The following LRRTM4 variants were observed in gnomAD, a reference collection of about 807,000 sequenced individuals.
LRRTM4 encodes the protein leucine rich repeat transmembrane neuronal 4.
Under a neutral mutation model 47.6 loss-of-function variants are expected in LRRTM4, and 25 were observed. The observed-to-expected ratio is 0.53, with a 90% CI of 0.38 to 0.73. LRRTM4 has a LOEUF of 0.73. LRRTM4 is among the 30% of genes least tolerant of loss of function. The pLI is 0.00. For missense variants in LRRTM4, 638 were observed against 713.4 expected, an observed-to-expected ratio of 0.89 and a Z score of 1.20; for synonymous variants, 311 against 269.5, an observed-to-expected ratio of 1.15 and a Z score of -1.51.
At chr2:76,988,771 T>C (rs1449345777) in intron 3 of LRRTM4, among the ~76,000 whole-genome samples, 2 of 142,516 alleles carry the variant, frequency 1.4e-5, no homozygotes, top group African/African-American at 2.5e-5. Context: ...CACCCCATTC[T>C]TTCTTCCCCA....
At chr2:76,829,746 A>G (rs1671280897) in intron 3 of LRRTM4, among the ~76,000 whole-genome samples, 1 of 152,020 alleles carries the variant, frequency 6.6e-6, no homozygotes, top group Non-Finnish European at 1.5e-5. Context: ...TTCAGAATGT[A>G]CAAGCAATGT....
intron 3 of LRRTM4, among the ~76,000 whole-genome samples, chr2:77,383,712 A>G (rs1351815844): frequency 1.3e-5 from 2 of 152,112 alleles, no homozygotes; most frequent in Non-Finnish European, 2.9e-5. Context: ...AGACCCAGAG[A>G]TAATTCATCG....
At chr2:76,934,613 C>T (rs949794365) in intron 3 of LRRTM4, among the ~76,000 whole-genome samples, 1 of 152,228 alleles carries the variant, frequency 6.6e-6, no homozygotes, top group East Asian at 1.9e-4. Context: ...CCCACCGTGG[C>T]CAATTTCAAG....
intron 3 of LRRTM4, among the ~76,000 whole-genome samples, chr2:76,827,344 C>T (rs570870543): frequency 2.0e-4 from 30 of 151,862 alleles, no homozygotes; most frequent in African/African-American, 6.7e-4. Context: ...AAGGGTCAAA[C>T]GCCAGGGGCC....
intron 3 of LRRTM4, among the ~76,000 whole-genome samples, chr2:77,363,795 A>G (rs1284875796): frequency 2.0e-5 from 3 of 152,204 alleles, no homozygotes; most frequent in Non-Finnish European, 2.9e-5. Context: ...TATAATATTT[A>G]TCTCCTCCTT....
chr2:77,137,454 T>C (rs1671979158), intron 3 of LRRTM4, among the ~76,000 whole-genome samples: 1 of 151,854 alleles, frequency 6.6e-6, no homozygotes, highest in Admixed American at 6.6e-5. Flanking sequence ...AGGCCTGCCC[T>C]ACAGGAGCAC....
chr2:76,870,690 T>TA (rs1416150886), intron 3 of LRRTM4, among the ~76,000 whole-genome samples: 3 of 152,154 alleles, frequency 2.0e-5, no homozygotes, highest in Non-Finnish European at 4.4e-5. Flanking sequence ...ACATTTCTCC[T>TA]TCCCAAGTGA....
chr2:77,489,574 A>C (rs1678058281), intron 3 of LRRTM4, among the ~76,000 whole-genome samples: 1 of 152,234 alleles, frequency 6.6e-6, no homozygotes, highest in Non-Finnish European at 1.5e-5. Flanking sequence ...TCTTTATTTC[A>C]AAAATGTGGA....
intron 3 of LRRTM4, among the ~76,000 whole-genome samples, chr2:77,510,478 T>C (rs1678943043): frequency 6.6e-6 from 1 of 152,084 alleles, no homozygotes; most frequent in South Asian, 2.1e-4. Context: ...AAACAACAAT[T>C]GTTATACTTT....
chr2:77,038,824 C>A (rs777620299), intron 3 of LRRTM4, among the ~76,000 whole-genome samples: 1 of 151,384 alleles, frequency 6.6e-6, no homozygotes, highest in Non-Finnish European at 1.5e-5. Context: ...GCTCATGGAT[C>A]TAACCATCTA....
intron 3 of LRRTM4, among the ~76,000 whole-genome samples, chr2:77,032,025 C>G (rs1445515406): frequency 6.6e-6 from 1 of 152,112 alleles, no homozygotes; most frequent in Non-Finnish European, 1.5e-5. Flanking sequence ...AGAATCTGAT[C>G]TTTGTTCACC....
At chr2:77,034,987 G>A (rs960039696) in intron 3 of LRRTM4, among the ~76,000 whole-genome samples, 9 of 151,556 alleles carry the variant, frequency 5.9e-5, no homozygotes, top group Non-Finnish European at 1.3e-4. Context: ...AAATGAATTG[G>A]TTTCCTCTCA....
At chr2:77,441,943 G>T (rs1462925161) in intron 3 of LRRTM4, among the ~76,000 whole-genome samples, 2 of 152,134 alleles carry the variant, frequency 1.3e-5, no homozygotes, top group Non-Finnish European at 2.9e-5. Flanking sequence ...ATCAACATTT[G>T]CAAGAAAACT....
At chr2:77,437,487 C>T (rs1318094883) in intron 3 of LRRTM4, among the ~76,000 whole-genome samples, 1 of 151,964 alleles carries the variant, frequency 6.6e-6, no homozygotes, top group Admixed American at 6.6e-5. Flanking sequence ...AACCAAGTTA[C>T]TTTGAGGAAA....
chr2:77,504,125 C>A (rs572168585), intron 3 of LRRTM4, among the ~76,000 whole-genome samples: 2 of 151,666 alleles, frequency 1.3e-5, no homozygotes, highest in South Asian at 4.1e-4. Flanking sequence ...AGTGGTAATA[C>A]TCAAGTATGT....
intron 3 of LRRTM4, among the ~76,000 whole-genome samples, chr2:76,842,912 G>C (rs917051629): frequency 2.0e-5 from 3 of 152,162 alleles, no homozygotes; most frequent in African/African-American, 7.2e-5. Context: ...TATTAGGAGA[G>C]AATATCTACT....
intron 3 of LRRTM4, among the ~76,000 whole-genome samples, chr2:76,932,296 T>C (rs1223691900): frequency 2.0e-5 from 3 of 152,114 alleles, no homozygotes; most frequent in Non-Finnish European, 4.4e-5. Flanking sequence ...CTACCATTAT[T>C]TGAGTGATCA....
chr2:76,755,931 C>T (rs969661408), intron 3 of LRRTM4, among the ~76,000 whole-genome samples: 5 of 152,098 alleles, frequency 3.3e-5, no homozygotes, highest in Admixed American at 2.6e-4. Context: ...TCAGACATGC[C>T]TCATTATACC....
intron 3 of LRRTM4, among the ~76,000 whole-genome samples, chr2:77,258,205 G>T (rs1193359232): frequency 6.6e-6 from 1 of 152,008 alleles, no homozygotes; most frequent in Non-Finnish European, 1.5e-5. Flanking sequence ...CCAAATGCTG[G>T]TGAGGATGTG....
Sources: gnomAD v4.1 joint callset for allele counts (sites outside exome capture counted in the v4.1 genomes callset) on GRCh38, gnomAD v4.1.1 for gene constraint, MANE v1.5 for transcripts, NCBI Gene and HGNC (gene_info 2026-07-23, HGNC 2026-07-21) for gene names.